Variants in PPFIA1 observed in about 807,000 individuals in gnomAD.
PPFIA1 encodes liprin-alpha-1.
Under a neutral mutation model 149.9 loss-of-function variants are expected in PPFIA1, and 25 were observed. That is an observed-to-expected ratio of 0.17 (90% CI 0.12 to 0.23). PPFIA1 has a LOEUF of 0.23. Among genes scored for constraint, PPFIA1 ranks in the 10% least tolerant of loss-of-function variants. The probability of loss-of-function intolerance (pLI) is 1.00; values close to 1 mark genes in which losing one functional copy is unlikely to be tolerated. For missense variants in PPFIA1, 1,362 were observed against 1,506.5 expected (o/e 0.90, Z 1.59); for synonymous variants, 549 against 552.8 (o/e 0.99, Z 0.10).
At chr11:70,336,744 T>A (rs1264381617) in intron 11 of PPFIA1, among the ~76,000 whole-genome samples, 1 of 152,194 alleles carries the variant, frequency 6.6e-6, no homozygotes, top group Non-Finnish European at 1.5e-5. Context: ...GGAGAAGCTC[T>A]AATGGGCAGC....
At chr11:70,314,004 T>G (rs2053445568) in intron 2 of PPFIA1, among the ~76,000 whole-genome samples, 1 of 152,176 alleles carries the variant, frequency 6.6e-6, no homozygotes. Flanking sequence ...GATGAGAGAT[T>G]GAGGTCGTGT....
intron 2 of PPFIA1, 104 bp from the exon 3 acceptor site, chr11:70,324,298 A>G (rs1197017164): frequency 1.4e-6 from 1 of 734,704 alleles, no homozygotes; most frequent in Non-Finnish European, 2.2e-6. Context: ...CTTCCCCATA[A>G]CTTGTAATGA....
chr11:70,285,850 G>C (rs12289915), intron 2 of PPFIA1, among the ~76,000 whole-genome samples: 33,285 of 152,018 alleles, frequency 0.22, 5,553 homozygotes, highest in African/African-American at 0.46. Flanking sequence ...TCTGTATGTG[G>C]CATGCACCGT....
intron 13 of PPFIA1, 138 bp from the exon 14 acceptor site, chr11:70,339,033 C>A: frequency 2.1e-6 from 2 of 969,568 alleles, no homozygotes; most frequent in Non-Finnish European, 3.0e-6. Flanking sequence ...GCTCTTGGGG[C>A]AGATGAGAGC....
intron 2 of PPFIA1, among the ~76,000 whole-genome samples, chr11:70,296,761 GGGGGAGGGAGGGA>G: frequency 7.0e-6 from 1 of 142,296 alleles, no homozygotes; most frequent in Non-Finnish European, 1.5e-5. Context: ...GAGGGAGGGA[GGGGGAGGGAGGGA>G]GAGGGAGAGG....
chr11:70,349,135 CAAAAA>C (rs749436919), intron 16 of PPFIA1, among the ~76,000 whole-genome samples: 3 of 74,606 alleles, frequency 4.0e-5, no homozygotes, highest in African/African-American at 5.1e-5. Context: ...CATCTACTAC[CAAAAA>C]AAAAAAAAAA....
At chr11:70,350,982 T>C (rs755846309) in intron 16 of PPFIA1, 3 of 1,254,512 alleles carry the variant, frequency 2.4e-6, no homozygotes, top group South Asian at 2.7e-5. Flanking sequence ...TTTCTTTGCA[T>C]GCATCTATCA....
At chr11:70,355,534 T>G in intron 17 of PPFIA1, 105 bp from the exon 18 acceptor site, 2 of 1,077,678 alleles carry the variant, frequency 1.9e-6, no homozygotes, top group Non-Finnish European at 2.7e-6. Flanking sequence ...GTGAGGAAGA[T>G]GTGTGTGAAA....
intron 18 of PPFIA1, 80 bp from the exon 19 acceptor site, chr11:70,356,081 A>G (rs1441647803): frequency 3.6e-5 from 43 of 1,192,292 alleles, no homozygotes; most frequent in Non-Finnish European, 5.2e-5. Flanking sequence ...TGAACCTGCA[A>G]ATATTCATCT....
chr11:70,310,894 G>T (rs780811765), intron 2 of PPFIA1, among the ~76,000 whole-genome samples: 1 of 152,084 alleles, frequency 6.6e-6, no homozygotes, highest in Non-Finnish European at 1.5e-5. Flanking sequence ...ACCCAGTATC[G>T]GGAGAGCAGA....
chr11:70,304,329 A>G (rs1163629844), intron 2 of PPFIA1, among the ~76,000 whole-genome samples: 1 of 151,780 alleles, frequency 6.6e-6, no homozygotes, highest in Non-Finnish European at 1.5e-5. Context: ...CCTTTGTGAT[A>G]GCCTTTAAAA....
At chr11:70,319,979 C>CCT (rs2053842606) in intron 2 of PPFIA1, 3 of 152,242 alleles carry the variant, frequency 2.0e-5, no homozygotes, top group Non-Finnish European at 4.4e-5. Context: ...ATCCTGGTCA[C>CCT]CTCTCACCCA....
chr11:70,316,010 G>C (rs1464486659), intron 2 of PPFIA1, among the ~76,000 whole-genome samples: 1 of 151,962 alleles, frequency 6.6e-6, no homozygotes, highest in Non-Finnish European at 1.5e-5. Flanking sequence ...ATTTCACTCA[G>C]CCCAACATCC....
At position 70,348,341 on chromosome 11, in the gene PPFIA1, C is replaced by G. The variant is rs140626007; in HGVS notation, c.2084C>G (p.Pro695Arg). The change falls in exon 16 of 28, where the codon CCG becomes CGG. Residue 695 changes from proline to arginine, a missense_variant. By Grantham distance (103) the Pro-to-Arg change is moderately radical. Transcript: ENST00000253925. ...TCCTCGCTTGCTAGCTCCTCCCCTCCGGGCAGTGGGCGCTCCACCCCACGA... is the reference window on the plus strand; with the variant it reads ...TCCTCGCTTGCTAGCTCCTCCCCTCGGGGCAGTGGGCGCTCCACCCCACGA... Reference protein sequence around the residue: ...PASSLASSSPPGSGRSTPRRI... With the variant: ...PASSLASSSPRGSGRSTPRRI... 17 of 1,614,028 alleles carry G rather than the reference C, an allele frequency of 1.1e-5. No individual in the cohort carries two copies. Among genetic ancestry groups the G allele is most frequent in the Non-Finnish European group, 1.4e-5 (16 of 1,180,006 alleles).
chr11:70,378,318 A>T (rs991192295), intron 26 of PPFIA1, 123 bp downstream of exon 26: 1 of 1,364,338 alleles, frequency 7.3e-7, no homozygotes, highest in African/African-American at 1.5e-5. Context: ...GTATGGTTGC[A>T]TGTCCAAATA....
chr11:70,308,382 A>G (rs1565374242), intron 2 of PPFIA1, among the ~76,000 whole-genome samples: 1 of 152,160 alleles, frequency 6.6e-6, no homozygotes. Context: ...TCAAACAGGC[A>G]TTTTCTGATT....
At chr11:70,321,736 T>G (rs2053955812) in intron 2 of PPFIA1, among the ~76,000 whole-genome samples, 1 of 152,210 alleles carries the variant, frequency 6.6e-6, no homozygotes, top group Non-Finnish European at 1.5e-5. Flanking sequence ...TGGCAGTTAC[T>G]TCACAAAATT....
intron 7 of PPFIA1, among the ~76,000 whole-genome samples, chr11:70,329,568 T>TC (rs974181537): frequency 6.6e-6 from 1 of 152,186 alleles, no homozygotes; most frequent in African/African-American, 2.4e-5. Context: ...TGTCTCAGAC[T>TC]CCCAAGTACC....
At chr11:70,291,956 G>A (rs2051557570) in intron 2 of PPFIA1, among the ~76,000 whole-genome samples, 1 of 150,662 alleles carries the variant, frequency 6.6e-6, no homozygotes, top group South Asian at 2.1e-4. Context: ...TCCTGCCTCA[G>A]CCTCCCGAGT....
Sources: allele counts gnomAD v4.1 joint callset (sites outside exome capture counted in the v4.1 genomes callset), GRCh38; gene constraint gnomAD v4.1.1; transcripts MANE v1.5; gene names NCBI Gene and HGNC (gene_info 2026-07-23, HGNC 2026-07-21).